Variants in PHACTR3 observed in about 807,000 individuals in gnomAD.
The protein encoded by PHACTR3 is protein phosphatase 1, regulatory subunit 123.
A neutral mutation model predicts 66.8 loss-of-function variants in PHACTR3; 16 were observed. The ratio of observed to expected loss-of-function variants is 0.24; its 90% CI spans 0.16 to 0.36. The LOEUF is 0.36. Ranked by LOEUF, PHACTR3 falls within the 10% of genes least tolerant of loss-of-function variation. PHACTR3 has a pLI of 1.00. For missense variants in PHACTR3, 647 were observed against 719.9 expected, an observed-to-expected ratio of 0.90 and a Z score of 1.16; for synonymous variants, 323 against 292.1, an observed-to-expected ratio of 1.11 and a Z score of -1.08.
rs1327484368 is a variant in PHACTR3 at position 59,767,282 on chromosome 20, C to T, written c.638C>T (p.Ser213Phe). Residue 213 changes from serine to phenylalanine, a missense_variant, in exon 5 of 13, where the codon TCC (serine) becomes TTC (phenylalanine). Around this residue, in one of 2 missense-constraint regions of PHACTR3, gnomAD observed 577 missense variants for 571.1 expected, o/e 1.01. Coordinates refer to ENST00000371015, the MANE Select transcript of PHACTR3 (RefSeq NM_080672.5). ...TCCCAAGCCTTAGCTGGGGCTGACT[C>T]CCTGGACAGTCCTCCCAGACCTCTG... Reference protein sequence around the residue: ...ELSQALAGADSLDSPPRPLER... With the variant: ...ELSQALAGADFLDSPPRPLER... 2 of 1,614,132 alleles carry T rather than the reference C, an allele frequency of 1.2e-6. No homozygotes were observed. The highest frequency in any genetic ancestry group is 1.7e-6 in the Non-Finnish European group (2 of 1,180,050).
chr20:59,698,144 A>G (rs754628066), intron 1 of PHACTR3, among the ~76,000 whole-genome samples: 10 of 152,224 alleles, frequency 6.6e-5, no homozygotes, highest in Non-Finnish European at 1.2e-4. Context: ...TATTCTTACA[A>G]TGGGACACTT....
intron 1 of PHACTR3, among the ~76,000 whole-genome samples, chr20:59,642,409 T>C (rs2035136088): frequency 6.6e-6 from 1 of 150,866 alleles, no homozygotes. Flanking sequence ...CATTCACAAA[T>C]CCCCCCACCC....
intron 7 of PHACTR3, among the ~76,000 whole-genome samples, chr20:59,795,472 T>A (rs2041226604): frequency 6.6e-6 from 1 of 151,774 alleles, no homozygotes; most frequent in Admixed American, 6.6e-5. Context: ...CTGGATAGAA[T>A]GTTCTGTAAA....
intron 7 of PHACTR3, among the ~76,000 whole-genome samples, chr20:59,790,680 G>C (rs906717715): frequency 1.3e-5 from 2 of 152,190 alleles, no homozygotes; most frequent in Non-Finnish European, 2.9e-5. Context: ...ACAGCATATT[G>C]CAAAGTAGTG....
At chr20:59,723,679 G>A (rs1032263649) in intron 1 of PHACTR3, among the ~76,000 whole-genome samples, 17 of 152,118 alleles carry the variant, frequency 1.1e-4, no homozygotes, top group Admixed American at 2.6e-4. Context: ...CAGAATCATC[G>A]TACGGTGACT....
intron 1 of PHACTR3, among the ~76,000 whole-genome samples, chr20:59,631,188 G>T (rs572916473): frequency 1.3e-5 from 2 of 152,358 alleles, no homozygotes; most frequent in East Asian, 1.9e-4. Flanking sequence ...AGGGGCCCTT[G>T]GTTGCCATAA....
At chr20:59,707,559 TG>T in intron 1 of PHACTR3, among the ~76,000 whole-genome samples, 1 of 148,966 alleles carries the variant, frequency 6.7e-6, no homozygotes, top group South Asian at 2.2e-4. Context: ...CTCTGCCTCC[TG>T]GGTTCAAGTG....
intron 8 of PHACTR3, 84 bp from the exon 9 acceptor site, chr20:59,836,421 G>GCCA (rs1483068573): frequency 6.6e-6 from 9 of 1,362,142 alleles, no homozygotes; most frequent in Admixed American, 2.4e-5. Context: ...GGGTTTGCCA[G>GCCA]CCACCTCTCA....
At position 59,578,410 on chromosome 20, in the gene PHACTR3, G is replaced by A. The variant is rs544595466; in HGVS notation, c.109+793G>A. 8.1e-4 allele frequency among the ~76,000 whole-genome samples: 123 copies of A among 152,298 alleles called. 1 individual carries two copies. Among genetic ancestry groups the A allele is most frequent in the South Asian group, 6.2e-4 (3 of 4,834 alleles). On this transcript the variant is annotated intron_variant, in intron 1 of 12. Coordinates refer to the PHACTR3 transcript ENST00000359926. ...CACTGGCCCTTGGTGAGGATACCGG[G>A]GGCACTTATTACAGATTGTTCCAGG...
intron 1 of PHACTR3, among the ~76,000 whole-genome samples, chr20:59,702,582 C>G (rs1241521540): frequency 6.6e-6 from 1 of 152,230 alleles, no homozygotes; most frequent in East Asian, 1.9e-4. Context: ...GTTTAGCTGG[C>G]CATCATCTGT....
At chr20:59,750,237 G>A (rs2039529123) in intron 3 of PHACTR3, among the ~76,000 whole-genome samples, 1 of 151,442 alleles carries the variant, frequency 6.6e-6, no homozygotes. Flanking sequence ...GCCGGGAGAT[G>A]TTTGAGTCAG....
chr20:59,612,231 G>T (rs758351376), intron 1 of PHACTR3, among the ~76,000 whole-genome samples: 1 of 152,194 alleles, frequency 6.6e-6, no homozygotes, highest in Non-Finnish European at 1.5e-5. Context: ...CTTTAACACA[G>T]GGCACCAAAC....
rs1306903123 is a variant in PHACTR3 at position 59,726,465 on chromosome 20, C to T, written c.119-16642C>T. On this transcript the variant is annotated intron_variant, in intron 1 of 12. Transcript: ENST00000371015. ...CCTCGCCACCAGGTCAAGCCAGACTCAAGACGCAGGCAAACGGAAAAATGC... is the reference window on the plus strand; with the variant it reads ...CCTCGCCACCAGGTCAAGCCAGACTTAAGACGCAGGCAAACGGAAAAATGC... Among the ~76,000 whole-genome samples the T allele has an allele frequency of 3.9e-5, 6 of 152,194 alleles. No individual in the cohort carries two copies. In the East Asian group the frequency reaches 1.2e-3, roughly 29 times the overall value.
chr20:59,669,587 T>A (rs1191759258), intron 1 of PHACTR3, among the ~76,000 whole-genome samples: 1 of 152,232 alleles, frequency 6.6e-6, no homozygotes, highest in Non-Finnish European at 1.5e-5. Context: ...AATATTTTCT[T>A]CTCCTCTAAA....
intron 1 of PHACTR3, among the ~76,000 whole-genome samples, chr20:59,732,271 C>T (rs552565997): frequency 2.8e-4 from 42 of 152,272 alleles, no homozygotes; most frequent in Admixed American, 5.9e-4. Context: ...AGAGAGGCTG[C>T]GGCAGACCTG....
Position 59,604,552 on chromosome 20 carries a change from T to C in PHACTR3, c.-463T>C. The C allele has an allele frequency of 1.2e-6, 1 of 830,082 alleles. No individual in the cohort carries two copies. Among genetic ancestry groups the C allele is most frequent in the Non-Finnish European group, 1.4e-6 (1 of 700,402 alleles). The allele number at this position is 830,082 out of a possible 1,614,324, so 51.4% of individuals were successfully genotyped here. A position where few individuals can be genotyped will look rare whatever the true frequency, so the allele number is the denominator to read the frequency against. On this transcript the variant is annotated 5_prime_UTR_variant, in exon 1 of 13. Coordinates refer to ENST00000371015, the MANE Select transcript of PHACTR3 (RefSeq NM_080672.5). The stretch of plus-strand genomic sequence containing the variant: ...AAGAACAGCTTTCAGATTAAAGCAA[T>C]TGCAAGAGCAAAGATTCTTCCTTTT...
chr20:59,734,497 G>A (rs796443350), intron 1 of PHACTR3, among the ~76,000 whole-genome samples: 8 of 152,198 alleles, frequency 5.3e-5, no homozygotes, highest in African/African-American at 1.9e-4. Flanking sequence ...CCCTCAAGCA[G>A]CCCTCCTGCA....
chr20:59,663,190 G>A (rs915711474), intron 1 of PHACTR3, among the ~76,000 whole-genome samples: 3 of 152,194 alleles, frequency 2.0e-5, no homozygotes, highest in Non-Finnish European at 4.4e-5. Flanking sequence ...ATTGGGTTTA[G>A]GACCCACCAT....
chr20:59,650,145 C>T (rs1052881600), intron 1 of PHACTR3, among the ~76,000 whole-genome samples: 10 of 151,904 alleles, frequency 6.6e-5, no homozygotes, highest in Non-Finnish European at 8.8e-5. Flanking sequence ...ACACATGAAA[C>T]AAAGAAATAT....
Sources: allele counts gnomAD v4.1 joint callset (sites outside exome capture counted in the v4.1 genomes callset), GRCh38; gene constraint gnomAD v4.1.1; regional missense constraint gnomAD v4.1.1; transcripts MANE v1.5; gene names NCBI Gene and HGNC (gene_info 2026-07-23, HGNC 2026-07-21).